The following ZEB1 variants were observed in gnomAD, a reference collection of about 807,000 sequenced individuals.
ZEB1 encodes the protein zinc finger E-box binding homeobox 1, also known as zinc finger E-box-binding homeobox 1.
ZEB1 carries 21 observed loss-of-function variants against 84.9 expected under a neutral mutation model. The observed-to-expected ratio is 0.25, with a 90% CI of 0.18 to 0.36. The LOEUF is 0.36. Ranked by LOEUF, ZEB1 falls within the 10% of genes least tolerant of loss-of-function variation. The pLI, the probability that ZEB1 is intolerant of heterozygous loss-of-function variation, is 1.00. For missense variants in ZEB1, 1,104 were observed against 1,330.2 expected (o/e 0.83, Z 2.65); for synonymous variants, 420 against 471.1 (o/e 0.89, Z 1.41).
chr10:31,499,021 T>C (rs572642293), intron 3 of ZEB1, among the ~76,000 whole-genome samples: 14 of 151,750 alleles, frequency 9.2e-5, no homozygotes, highest in Non-Finnish European at 1.8e-4. Flanking sequence ...AGTTGCTCAG[T>C]TTTTATGCAT....
chr10:31,525,245 C>T (rs1444906930), intron 8 of ZEB1, among the ~76,000 whole-genome samples: 1 of 152,170 alleles, frequency 6.6e-6, no homozygotes, highest in Non-Finnish European at 1.5e-5. Context: ...GACCATTTGG[C>T]CTGCAAAGCC....
chr10:31,347,802 A>T (rs756544619), intron 1 of ZEB1, among the ~76,000 whole-genome samples: 1 of 152,172 alleles, frequency 6.6e-6, no homozygotes, highest in Non-Finnish European at 1.5e-5. Flanking sequence ...TTATGATAGG[A>T]TAGAATCCCA....
At chr10:31,432,510 G>C (rs1481201056) in intron 1 of ZEB1, among the ~76,000 whole-genome samples, 2 of 152,138 alleles carry the variant, frequency 1.3e-5, no homozygotes, top group Non-Finnish European at 2.9e-5. Flanking sequence ...GATGTCTTGA[G>C]CCTGGAAGGT....
At chr10:31,382,021 A>AAAACAAAAC (rs2047756137) in intron 1 of ZEB1, among the ~76,000 whole-genome samples, 6 of 149,850 alleles carry the variant, frequency 4.0e-5, no homozygotes, top group African/African-American at 1.5e-4. Flanking sequence ...AAAAAAAAAA[A>AAAACAAAAC]AAAAAAAAAA....
chr10:31,383,714 C>T (rs939057219), intron 1 of ZEB1, among the ~76,000 whole-genome samples: 1 of 152,024 alleles, frequency 6.6e-6, no homozygotes, highest in African/African-American at 2.4e-5. Context: ...TCCAAATGAG[C>T]AGTAGTCATA....
intron 8 of ZEB1, among the ~76,000 whole-genome samples, chr10:31,525,076 TGAAAA>T (rs1422716751): frequency 3.9e-5 from 6 of 152,196 alleles, no homozygotes; most frequent in Admixed American, 3.9e-4. Context: ...TTGGAAAAGA[TGAAAA>T]GAATATTTAT....
intron 1 of ZEB1, among the ~76,000 whole-genome samples, chr10:31,405,753 G>C (rs967446626): frequency 1.3e-5 from 2 of 150,952 alleles, no homozygotes; most frequent in Non-Finnish European, 3.0e-5. Flanking sequence ...TCTGCAGTTT[G>C]TTACATAGGT....
At chr10:31,476,255 C>A (rs971461619) in intron 2 of ZEB1, among the ~76,000 whole-genome samples, 21 of 151,796 alleles carry the variant, frequency 1.4e-4, no homozygotes, top group Non-Finnish European at 2.4e-4. Flanking sequence ...CAAGTAAGCA[C>A]AATCAGAAAT....
intron 1 of ZEB1, among the ~76,000 whole-genome samples, chr10:31,448,828 G>A (rs1591392449): frequency 6.6e-6 from 1 of 152,182 alleles, no homozygotes; most frequent in Admixed American, 6.5e-5. Flanking sequence ...CTGTCAGACA[G>A]GGACATTTAA....
chr10:31,519,923 T>G (rs1002725399), intron 6 of ZEB1, among the ~76,000 whole-genome samples: 1 of 152,334 alleles, frequency 6.6e-6, no homozygotes, highest in Admixed American at 6.5e-5. Flanking sequence ...TAGCAGAACA[T>G]GTACCTCAGA....
rs915782310 is a variant in ZEB1 at position 31,374,305 on chromosome 10, C to T, written c.58+55013C>T. On this transcript the variant is annotated intron_variant, in intron 1 of 8. Coordinates refer to ENST00000424869, the MANE Select transcript of ZEB1 (RefSeq NM_001174096.2). ...TTCTAGAGCTTAATAACAAACATAT[C>T]AGGAAGAGCTCTTGTGACAAGCACC... is the stretch of plus-strand genomic sequence containing the variant. Among the ~76,000 whole-genome samples, 6 of 151,842 alleles carry T rather than the reference C, an allele frequency of 4.0e-5. No homozygotes were observed. The East Asian group carries it at 1.2e-3, about 29-fold the overall frequency.
chr10:31,458,698 A>G (rs1398304897), intron 1 of ZEB1, among the ~76,000 whole-genome samples: 1 of 152,030 alleles, frequency 6.6e-6, no homozygotes, highest in Non-Finnish European at 1.5e-5. Context: ...CTAAAGTTTC[A>G]CCCCTACTAA....
intron 1 of ZEB1, among the ~76,000 whole-genome samples, chr10:31,338,535 G>A (rs2038693510): frequency 6.6e-6 from 1 of 152,150 alleles, no homozygotes; most frequent in Admixed American, 6.5e-5. Flanking sequence ...CTATTTCAAT[G>A]TTCTTTAATA....
intron 1 of ZEB1, among the ~76,000 whole-genome samples, chr10:31,427,115 T>C (rs1302755692): frequency 6.6e-6 from 1 of 152,010 alleles, no homozygotes; most frequent in Non-Finnish European, 1.5e-5. Context: ...TATAGGTGTG[T>C]GCAAGCTTGT....
At chr10:31,415,365 G>C (rs2055034393) in intron 1 of ZEB1, among the ~76,000 whole-genome samples, 1 of 152,014 alleles carries the variant, frequency 6.6e-6, no homozygotes, top group African/African-American at 2.4e-5. Context: ...CTAATCACGA[G>C]TATAGAAAAA....
rs189100517 is a variant in ZEB1, at chr10:31,463,159, A to C, written c.259+1922A>C. ...TGATCCAGAGTCTTAATAGGTAATC[A>C]AGAAGGAAATGATCTGTCTGGGGAA... is the stretch of plus-strand genomic sequence containing the variant. On this transcript the variant is annotated intron_variant, in intron 2 of 8. Coordinates refer to ENST00000424869, the MANE Select transcript of ZEB1 (RefSeq NM_001174096.2). 1.8e-3 allele frequency among the ~76,000 whole-genome samples: 278 copies of C among 152,276 alleles called. 3 individuals are homozygous for C. The highest frequency in any genetic ancestry group is 6.4e-3 in the African/African-American group (265 of 41,570).
At chr10:31,468,271 C>T (rs1342733733) in intron 2 of ZEB1, among the ~76,000 whole-genome samples, 3 of 152,120 alleles carry the variant, frequency 2.0e-5, no homozygotes, top group Non-Finnish European at 4.4e-5. Context: ...ACCCCCCACC[C>T]ATCACCAAGA....
intron 1 of ZEB1, among the ~76,000 whole-genome samples, chr10:31,446,226 G>C (rs1018993956): frequency 1.3e-5 from 2 of 152,148 alleles, no homozygotes; most frequent in Non-Finnish European, 2.9e-5. Flanking sequence ...AGTATTCTCT[G>C]ATGGTAGTTT....
At chr10:31,459,810 T>C (rs1479159063) in intron 1 of ZEB1, among the ~76,000 whole-genome samples, 2 of 150,962 alleles carry the variant, frequency 1.3e-5, no homozygotes, top group African/African-American at 4.9e-5. Flanking sequence ...CAATTGTATT[T>C]CTTCCTTCGT....
Sources: allele counts gnomAD v4.1 joint callset (sites outside exome capture counted in the v4.1 genomes callset), GRCh38; gene constraint gnomAD v4.1.1; transcripts MANE v1.5; gene names NCBI Gene and HGNC (gene_info 2026-07-23, HGNC 2026-07-21).